GABRR1: variants seen among roughly 807,000 people sequenced by gnomAD.
GABRR1 encodes gamma-aminobutyric acid receptor subunit rho-1.
GABRR1 carries 59 observed loss-of-function variants against 55.5 expected under a neutral mutation model. That is an observed-to-expected ratio of 1.06 (90% CI 0.86 to 1.32). The LOEUF is 1.32. Ranked by LOEUF, GABRR1 falls within the 40% of genes most tolerant of loss-of-function variation. The pLI, the probability that GABRR1 is intolerant of heterozygous loss-of-function variation, is 0.00. For missense variants in GABRR1, 602 were observed against 619.1 expected (o/e 0.97, Z 0.29); for synonymous variants, 213 against 226.0 (o/e 0.94, Z 0.51).
At position 89,223,245 on chromosome 6, in the gene GABRR1, T is replaced by C. The variant is rs117042079; in HGVS notation, c.-410-1799A>G. Among the ~76,000 whole-genome samples the C allele has an allele frequency of 3.3e-3, 498 of 152,350 alleles. 4 individuals are homozygous for C. Among genetic ancestry groups the C allele is most frequent in the Non-Finnish European group, 6.2e-3 (423 of 68,042 alleles). On this transcript the variant is annotated intron_variant, in intron 1 of 11. Coordinates refer to the GABRR1 transcript ENST00000369451. The stretch of plus-strand genomic sequence containing the variant: ...TCCTCTAAGTCCACTGTGAAATTCT[T>C]ATGCCTTTGCATCCTCATAGCTTAG...
intron 2 of GABRR1, among the ~76,000 whole-genome samples, chr6:89,202,324 C>T (rs7774534): frequency 0.28 from 42,258 of 151,946 alleles, 7,238 homozygotes; most frequent in African/African-American, 0.48. Flanking sequence ...GACAGTCTCA[C>T]TGTGTCACCC....
chr6:89,192,579 T>G (rs1273591385), intron 5 of GABRR1, among the ~76,000 whole-genome samples: 2 of 150,666 alleles, frequency 1.3e-5, no homozygotes, highest in Non-Finnish European at 3.0e-5. Flanking sequence ...TTTTTTTTTT[T>G]TTTGAGACAG....
intron 1 of GABRR1, among the ~76,000 whole-genome samples, chr6:89,214,643 C>T (rs975288840): frequency 5.3e-5 from 8 of 152,004 alleles, no homozygotes; most frequent in African/African-American, 9.7e-5. Context: ...AACAGATATA[C>T]GAAAAAATGC....
At chr6:89,210,932 G>A (rs775673696) in intron 1 of GABRR1, among the ~76,000 whole-genome samples, 5 of 152,072 alleles carry the variant, frequency 3.3e-5, no homozygotes, top group Non-Finnish European at 5.9e-5. Flanking sequence ...GGGGGTGAGG[G>A]AAGGCCAAGG....
chr6:89,180,263 C>T (rs1369344030), intron 9 of GABRR1, 29 bp downstream of exon 9: 14 of 1,601,670 alleles, frequency 8.7e-6, no homozygotes, highest in Non-Finnish European at 1.2e-5. Context: ...CCATCCTGAC[C>T]AGACACTATA....
At chr6:89,189,976 G>A (rs576599699) in intron 6 of GABRR1, among the ~76,000 whole-genome samples, 189 bp downstream of exon 6, 2 of 152,130 alleles carry the variant, frequency 1.3e-5, no homozygotes, top group Admixed American at 6.5e-5. Flanking sequence ...AACCTGGGAG[G>A]CAGAGGTTGC....
intron 1 of GABRR1, among the ~76,000 whole-genome samples, chr6:89,224,249 G>A (rs910562885): frequency 2.3e-4 from 35 of 151,560 alleles, no homozygotes; most frequent in African/African-American, 8.0e-4. Context: ...GCATTACCAC[G>A]CCCAGCTAAT....
At chr6:89,198,521 G>C (rs1271454237) in intron 4 of GABRR1, among the ~76,000 whole-genome samples, 2 of 152,044 alleles carry the variant, frequency 1.3e-5, no homozygotes, top group South Asian at 4.1e-4. Flanking sequence ...TACACTTGAG[G>C]GGCTGCTACT....
chr6:89,224,867 C>T (rs1773173443), intron 1 of GABRR1, among the ~76,000 whole-genome samples: 1 of 152,162 alleles, frequency 6.6e-6, no homozygotes, highest in Non-Finnish European at 1.5e-5. Context: ...ACTGCAACCT[C>T]CGCCTCCCAG....
rs1475462308 is a variant in GABRR1, at chr6:89,203,417, A to G, written c.173+18T>C. 6.2e-7 allele frequency: 1 copy of G among 1,609,308 alleles called. No individual in the cohort carries two copies. The highest frequency in any genetic ancestry group is 8.5e-7 in the Non-Finnish European group (1 of 1,175,686). On this transcript the variant is annotated intron_variant, in intron 2 of 9. Transcript: ENST00000454853. ...AGGAAACATCTGCAGAACAGTGTGC[A>G]CGTGCTTATGGCCATACCTGACTTG...
rs1160034118 is a variant in GABRR1, at chr6:89,178,795, A to G, written c.1415T>C (p.Leu472Ser). The G allele has an allele frequency of 6.2e-7, 1 of 1,613,890 alleles. No homozygotes were observed. Among genetic ancestry groups the G allele is most frequent in the African/African-American group, 1.3e-5 (1 of 75,050 alleles). ...IFPAAYILFN[L>S]IYWSIFS ...CTAGGAGAAAATAGACCAGTATATTAAATTGAATAAAATGTATGCTGCTGG... is the reference window on the plus strand; with the variant it reads ...CTAGGAGAAAATAGACCAGTATATTGAATTGAATAAAATGTATGCTGCTGG... The change falls in exon 10 of 10, where the codon TTA (leucine) becomes TCA (serine). Residue 472 changes from leucine to serine, a missense_variant. By Grantham distance (145) the Leu-to-Ser change is moderately radical. Coordinates refer to ENST00000454853, the MANE Select transcript of GABRR1 (RefSeq NM_002042.5).
At chr6:89,225,370 C>T (rs1222821626) in intron 1 of GABRR1, among the ~76,000 whole-genome samples, 2 of 139,140 alleles carry the variant, frequency 1.4e-5, no homozygotes, top group East Asian at 2.1e-4. Context: ...CCCACTAACT[C>T]GTCATCTAGC....
chr6:89,190,878 T>C (rs1216668311), intron 5 of GABRR1, among the ~76,000 whole-genome samples: 1 of 152,222 alleles, frequency 6.6e-6, no homozygotes, highest in Non-Finnish European at 1.5e-5. Flanking sequence ...TTTCAGAATT[T>C]ACACTGGGAA....
chr6:89,216,147 T>C (rs946139273), intron 1 of GABRR1, among the ~76,000 whole-genome samples: 2 of 152,194 alleles, frequency 1.3e-5, no homozygotes, highest in African/African-American at 2.4e-5. Flanking sequence ...TTTGTGATGT[T>C]GTTAAGAACA....
Position 89,198,049 on chromosome 6 carries a change from C to G in GABRR1, c.543G>C (p.Gln181His), listed in dbSNP as rs534023247. The G allele has an allele frequency of 6.2e-7, 1 of 1,614,114 alleles. No individual in the cohort carries two copies. Among genetic ancestry groups the G allele is most frequent in the East Asian group, 2.2e-5 (1 of 44,868 alleles). ...TTTDNVMLRV[Q>H]PDGKVLYSLR... Reference sequence around the variant, plus strand: ...GACTATAGAGCACTTTCCCATCAGGCTGGACCCGCAACATGACGTTGTCTG... The same window carrying G: ...GACTATAGAGCACTTTCCCATCAGGGTGGACCCGCAACATGACGTTGTCTG... Residue 181 changes from glutamine (Q) to histidine (H), a missense_variant, in exon 5 of 10, where the codon CAG (glutamine) becomes CAC (histidine). This residue lies in a region of GABRR1 where 435 missense variants were observed against 424.2 expected (regional missense o/e 1.03). Transcript: ENST00000454853.
intron 5 of GABRR1, among the ~76,000 whole-genome samples, chr6:89,192,246 C>T (rs577582746): frequency 2.6e-5 from 4 of 152,044 alleles, no homozygotes; most frequent in Admixed American, 2.0e-4. Context: ...CACGACTGGG[C>T]GCCTCCACAC....
At chr6:89,216,117 T>C (rs1772972737) in intron 1 of GABRR1, among the ~76,000 whole-genome samples, 2 of 152,178 alleles carry the variant, frequency 1.3e-5, no homozygotes, top group East Asian at 3.9e-4. Context: ...CCATGACCAC[T>C]GGATATTTCA....
At chr6:89,180,176 G>T in intron 9 of GABRR1, 116 bp downstream of exon 9, 1 of 1,068,978 alleles carries the variant, frequency 9.4e-7, no homozygotes, top group Non-Finnish European at 1.3e-6. Flanking sequence ...CTGTGAAGTA[G>T]GCACAGGAGA....
chr6:89,188,305 T>C (rs1222984646), intron 6 of GABRR1, among the ~76,000 whole-genome samples: 1 of 152,224 alleles, frequency 6.6e-6, no homozygotes, highest in African/African-American at 2.4e-5. Context: ...ATTACAGGTA[T>C]GAGCAACCGT....
Sources: allele counts gnomAD v4.1 joint callset (sites outside exome capture counted in the v4.1 genomes callset), GRCh38; gene constraint gnomAD v4.1.1; regional missense constraint gnomAD v4.1.1; transcripts MANE v1.5; gene names NCBI Gene and HGNC (gene_info 2026-07-23, HGNC 2026-07-21).